TLN2: variants seen among roughly 807,000 people sequenced by gnomAD.
TLN2 encodes talin-2.
A neutral mutation model predicts 294.7 loss-of-function variants in TLN2; 118 were observed. That is an observed-to-expected ratio of 0.40 (90% CI 0.34 to 0.47). TLN2 has a LOEUF of 0.47. Among genes scored for constraint, TLN2 ranks in the 20% least tolerant of loss-of-function variants. The probability of loss-of-function intolerance (pLI) is 0.84; values close to 1 mark genes in which losing one functional copy is unlikely to be tolerated. For synonymous variants in TLN2, 1,431 were observed against 1,304.5 expected (o/e 1.10, Z -2.09); for missense variants, 3,083 against 3,282.2 (o/e 0.94, Z 1.48).
At chr15:62,427,876 T>C (rs2034802366) in intron 1 of TLN2, among the ~76,000 whole-genome samples, 1 of 152,182 alleles carries the variant, frequency 6.6e-6, no homozygotes, top group Non-Finnish European at 1.5e-5. Context: ...ACCTGAAAAC[T>C]GTGAGGCTTG....
chr15:62,668,845 G>T (rs1424837246), intron 9 of TLN2, among the ~76,000 whole-genome samples: 1 of 152,220 alleles, frequency 6.6e-6, no homozygotes, highest in Admixed American at 6.5e-5. Flanking sequence ...TGTTTTAATT[G>T]TAGAAACTCT....
intron 54 of TLN2, among the ~76,000 whole-genome samples, chr15:62,822,286 G>A (rs1317351266): frequency 6.6e-6 from 1 of 152,136 alleles, no homozygotes; most frequent in East Asian, 1.9e-4. Context: ...AGTGAGACTT[G>A]GTAGATAGTA....
intron 14 of TLN2, 139 bp from the exon 15 acceptor site, chr15:62,697,549 T>G: frequency 2.3e-6 from 2 of 861,230 alleles, no homozygotes; most frequent in South Asian, 4.1e-5. Flanking sequence ...TCTTCATTCC[T>G]GCTTCTCAGT....
chr15:62,614,832 T>C (rs765649029), intron 2 of TLN2, among the ~76,000 whole-genome samples: 46 of 152,186 alleles, frequency 3.0e-4, no homozygotes, highest in Non-Finnish European at 4.3e-4. Context: ...TGTACAGTTT[T>C]CAGTTTGAGA....
At chr15:62,474,217 T>G (rs2037658039) in intron 1 of TLN2, among the ~76,000 whole-genome samples, 1 of 152,170 alleles carries the variant, frequency 6.6e-6, no homozygotes, top group Non-Finnish European at 1.5e-5. Context: ...GAAAAGAAAT[T>G]TCAGAGGGCT....
At chr15:62,832,878 T>C (rs2069022413) in intron 54 of TLN2, 1 of 152,126 alleles carries the variant, frequency 6.6e-6, no homozygotes, top group Non-Finnish European at 1.5e-5. Context: ...GCTTAGGCTC[T>C]AGAAGAGAGT....
intron 28 of TLN2, among the ~76,000 whole-genome samples, chr15:62,728,759 TAGG>T (rs1322103480): frequency 6.6e-6 from 1 of 152,202 alleles, no homozygotes; most frequent in Non-Finnish European, 1.5e-5. Context: ...TCCTCATTTA[TAGG>T]AGTTCTTTGT....
intron 3 of TLN2, among the ~76,000 whole-genome samples, chr15:62,625,063 T>C (rs576144558): frequency 3.0e-4 from 45 of 152,254 alleles, no homozygotes; most frequent in Middle Eastern, 3.4e-3. Context: ...TTCAGGGGTG[T>C]GTGTTATTGT....
chr15:62,743,526 A>G (rs976887426), intron 32 of TLN2, among the ~76,000 whole-genome samples: 4 of 151,852 alleles, frequency 2.6e-5, no homozygotes, highest in Non-Finnish European at 5.9e-5. Context: ...AGAGGAAGTC[A>G]TTTGCTATTT....
At chr15:62,520,619 G>A (rs961300729) in intron 1 of TLN2, among the ~76,000 whole-genome samples, 8 of 152,138 alleles carry the variant, frequency 5.3e-5, no homozygotes, top group Admixed American at 2.6e-4. Flanking sequence ...TCTTCTAAAC[G>A]GGAAACATAA....
chr15:62,640,076 C>T (rs539178693), intron 3 of TLN2: 30 of 441,974 alleles, frequency 6.8e-5, no homozygotes, highest in African/African-American at 1.6e-4. Flanking sequence ...ACTGTCCTGC[C>T]GAGCGAGGTG....
At chr15:62,418,060 G>GAA (rs1014960490) in intron 1 of TLN2, among the ~76,000 whole-genome samples, 5 of 152,224 alleles carry the variant, frequency 3.3e-5, no homozygotes, top group African/African-American at 1.2e-4. Context: ...GGTCTCCCTG[G>GAA]AAATAGCTGT....
intron 1 of TLN2, among the ~76,000 whole-genome samples, chr15:62,579,132 A>T (rs932862492): frequency 1.3e-5 from 2 of 152,132 alleles, no homozygotes; most frequent in Admixed American, 1.3e-4. Context: ...ATATACTGAG[A>T]AGAGGAAGTA....
At chr15:62,526,979 G>C (rs1402877009) in intron 1 of TLN2, among the ~76,000 whole-genome samples, 1 of 152,158 alleles carries the variant, frequency 6.6e-6, no homozygotes. Flanking sequence ...TGTATGTATA[G>C]ATGTATATTT....
intron 1 of TLN2, among the ~76,000 whole-genome samples, chr15:62,479,369 T>C (rs1262637957): frequency 6.6e-6 from 1 of 152,256 alleles, no homozygotes; most frequent in African/African-American, 2.4e-5. Flanking sequence ...GTACTTACCC[T>C]GGCTACTCAT....
chr15:62,546,572 T>A (rs564934639), intron 1 of TLN2, among the ~76,000 whole-genome samples: 13 of 152,206 alleles, frequency 8.5e-5, no homozygotes, highest in African/African-American at 3.1e-4. Flanking sequence ...GCATGTTGTC[T>A]GAAGGTTTGT....
chr15:62,496,565 C>G (rs1024418437), intron 1 of TLN2, among the ~76,000 whole-genome samples: 1 of 152,184 alleles, frequency 6.6e-6, no homozygotes, highest in Non-Finnish European at 1.5e-5. Context: ...CCAGATTCTA[C>G]CAGGCTTCTT....
At chr15:62,486,814 T>TG (rs2038425263) in intron 1 of TLN2, among the ~76,000 whole-genome samples, 1 of 151,936 alleles carries the variant, frequency 6.6e-6, no homozygotes, top group African/African-American at 2.4e-5. Flanking sequence ...TGCAAGGTTT[T>TG]TTTTTTTTTT....
At chr15:62,686,273 T>C (rs114139934) in intron 11 of TLN2, among the ~76,000 whole-genome samples, 2,172 of 152,302 alleles carry the variant, frequency 0.014, 60 homozygotes, top group African/African-American at 0.048. Flanking sequence ...GATTAACCCT[T>C]GTTTGTTACT....
Sources: allele counts gnomAD v4.1 joint callset (sites outside exome capture counted in the v4.1 genomes callset), GRCh38; gene constraint gnomAD v4.1.1; transcripts MANE v1.5; gene names NCBI Gene and HGNC (gene_info 2026-07-23, HGNC 2026-07-21).